ATRNL1: variants seen among roughly 807,000 people sequenced by gnomAD.
The protein encoded by ATRNL1 is attractin like 1.
ATRNL1 carries 95 observed loss-of-function variants against 182.7 expected under a neutral mutation model. The ratio of observed to expected loss-of-function variants is 0.52; its 90% CI spans 0.44 to 0.62. The LOEUF is 0.62. Among genes scored for constraint, ATRNL1 ranks in the 20% least tolerant of loss-of-function variants. The pLI, the probability that ATRNL1 is intolerant of heterozygous loss-of-function variation, is 0.00. For missense variants in ATRNL1, 1,471 were observed against 1,679.5 expected (o/e 0.88, Z 2.17); for synonymous variants, 576 against 568.3 (o/e 1.01, Z -0.19).
At chr10:115,179,537 C>A (rs1554887513) in intron 8 of ATRNL1, among the ~76,000 whole-genome samples, 1 of 152,016 alleles carries the variant, frequency 6.6e-6, no homozygotes, top group East Asian at 1.9e-4. Context: ...TTATAAATAG[C>A]CTTTATTAGA....
At chr10:115,148,232 C>T (rs1846057415) in intron 5 of ATRNL1, among the ~76,000 whole-genome samples, 1 of 151,912 alleles carries the variant, frequency 6.6e-6, no homozygotes, top group African/African-American at 2.4e-5. Context: ...TTCTTGATTT[C>T]TGTCTCAGCT....
chr10:115,713,079 G>C (rs1319970676), intron 26 of ATRNL1, among the ~76,000 whole-genome samples: 1 of 151,982 alleles, frequency 6.6e-6, no homozygotes, highest in Non-Finnish European at 1.5e-5. Context: ...TGCTGTGGCT[G>C]TTGCCACTGT....
chr10:115,944,600 T>G (rs1953830738), intron 28 of ATRNL1, 58 bp from the exon 29 acceptor site: 1 of 1,494,672 alleles, frequency 6.7e-7, no homozygotes, highest in Admixed American at 2.0e-5. Flanking sequence ...TCACCACCAC[T>G]GTTGCCATCC....
intron 26 of ATRNL1, among the ~76,000 whole-genome samples, chr10:115,632,482 T>A (rs1858577548): frequency 6.6e-6 from 1 of 152,196 alleles, no homozygotes; most frequent in Non-Finnish European, 1.5e-5. Context: ...TGGTTCTTTT[T>A]AAAAATACCT....
chr10:115,287,556 C>T (rs1852680237), intron 15 of ATRNL1, among the ~76,000 whole-genome samples: 1 of 151,756 alleles, frequency 6.6e-6, no homozygotes, highest in Non-Finnish European at 1.5e-5. Context: ...TTTGTTCAAG[C>T]TTCTATTAAA....
chr10:115,591,450 G>T (rs1855899681), intron 26 of ATRNL1, among the ~76,000 whole-genome samples: 1 of 152,108 alleles, frequency 6.6e-6, no homozygotes, highest in South Asian at 2.1e-4. Context: ...AAGATGGAGA[G>T]GTCTCTACTT....
intron 25 of ATRNL1, among the ~76,000 whole-genome samples, chr10:115,525,108 G>A (rs1351856031): frequency 6.6e-6 from 1 of 152,140 alleles, no homozygotes; most frequent in Non-Finnish European, 1.5e-5. Context: ...AAAATTAGCT[G>A]AAATCTGGGA....
chr10:115,591,827 A>G (rs1555012357), intron 26 of ATRNL1, among the ~76,000 whole-genome samples: 1 of 152,230 alleles, frequency 6.6e-6, no homozygotes. Flanking sequence ...CTGCACATGT[A>G]TCCAAAAGAA....
intron 27 of ATRNL1, among the ~76,000 whole-genome samples, chr10:115,737,748 A>G (rs1355718313): frequency 1.3e-5 from 2 of 152,156 alleles, no homozygotes; most frequent in African/African-American, 4.8e-5. Context: ...TTCAGAGAGA[A>G]TGAGGACTCA....
At chr10:115,473,303 T>C (rs1379403224) in intron 24 of ATRNL1, among the ~76,000 whole-genome samples, 1 of 151,272 alleles carries the variant, frequency 6.6e-6, no homozygotes, top group Non-Finnish European at 1.5e-5. Flanking sequence ...TGGCCTGTAA[T>C]TTTTCTTTTT....
Position 115,382,787 on chromosome 10 carries a change from C to A in ATRNL1, c.3176-11872C>A, listed in dbSNP as rs566063911. Among the ~76,000 whole-genome samples the A allele has an allele frequency of 4.0e-5, 6 of 150,818 alleles. No homozygotes were observed. In the East Asian group the frequency reaches 1.2e-3, roughly 29 times the overall value. On this transcript the variant is annotated intron_variant, in intron 19 of 28. Coordinates refer to ENST00000355044, the MANE Select transcript of ATRNL1 (RefSeq NM_207303.4). ...CAAGAGCAGGCATCCATGTCTCATTCCTGATTGCAGTGGGAGAAAAGATTC... is the reference window on the plus strand; with the variant it reads ...CAAGAGCAGGCATCCATGTCTCATTACTGATTGCAGTGGGAGAAAAGATTC...
intron 24 of ATRNL1, among the ~76,000 whole-genome samples, chr10:115,509,966 T>A (rs1352371822): frequency 6.6e-6 from 1 of 151,942 alleles, no homozygotes; most frequent in Non-Finnish European, 1.5e-5. Flanking sequence ...TTGGAAGAAG[T>A]TGATTCCCAC....
At chr10:115,463,447 A>G (rs1847909491) in intron 22 of ATRNL1, among the ~76,000 whole-genome samples, 1 of 152,150 alleles carries the variant, frequency 6.6e-6, no homozygotes. Flanking sequence ...CAGAAACTAC[A>G]TTTATCAATG....
At chr10:115,249,924 G>A (rs1196900609) in intron 10 of ATRNL1, among the ~76,000 whole-genome samples, 1 of 152,170 alleles carries the variant, frequency 6.6e-6, no homozygotes, top group East Asian at 1.9e-4. Context: ...ACTTTTTAGT[G>A]TAAGAATTGG....
chr10:115,844,360 T>C (rs539512783), intron 27 of ATRNL1, among the ~76,000 whole-genome samples: 1 of 152,164 alleles, frequency 6.6e-6, no homozygotes, highest in African/African-American at 2.4e-5. Flanking sequence ...GCTTTACCCA[T>C]TGATGTTTTC....
intron 19 of ATRNL1, among the ~76,000 whole-genome samples, chr10:115,377,332 A>G (rs1402768978): frequency 6.6e-6 from 1 of 152,050 alleles, no homozygotes; most frequent in African/African-American, 2.4e-5. Context: ...TGTCTTGCTG[A>G]CACCTTGTAA....
At chr10:115,206,343 A>G (rs900581148) in intron 8 of ATRNL1, among the ~76,000 whole-genome samples, 9 of 152,046 alleles carry the variant, frequency 5.9e-5, no homozygotes, top group Non-Finnish European at 1.0e-4. Context: ...AATCTTTAGG[A>G]CTATTATTAA....
intron 28 of ATRNL1, among the ~76,000 whole-genome samples, chr10:115,870,358 A>G (rs1320886748): frequency 2.0e-5 from 3 of 152,250 alleles, no homozygotes; most frequent in African/African-American, 7.2e-5. Context: ...TAATAGAGGA[A>G]GAGTCTAGCA....
At chr10:115,761,888 G>A (rs1245547285) in intron 27 of ATRNL1, among the ~76,000 whole-genome samples, 1 of 152,168 alleles carries the variant, frequency 6.6e-6, no homozygotes, top group East Asian at 1.9e-4. Flanking sequence ...CCAAAACAAA[G>A]TCGGGGCTCA....
Sources: allele counts gnomAD v4.1 joint callset (sites outside exome capture counted in the v4.1 genomes callset), GRCh38; gene constraint gnomAD v4.1.1; transcripts MANE v1.5; gene names NCBI Gene and HGNC (gene_info 2026-07-23, HGNC 2026-07-21).